The following LRRC31 variants were observed in gnomAD, a reference collection of about 807,000 sequenced individuals.
LRRC31 encodes leucine-rich repeat-containing protein 31.
LRRC31 carries 35 observed loss-of-function variants against 46.7 expected under a neutral mutation model. The observed-to-expected ratio is 0.75, with a 90% CI of 0.57 to 0.99. LRRC31 has a LOEUF of 0.99. Ranked by LOEUF, LRRC31 falls within the 50% of genes least tolerant of loss-of-function variation. LRRC31 has a pLI of 0.00. For synonymous variants in LRRC31, 236 were observed against 235.1 expected (o/e 1.00, Z -0.03); for missense variants, 613 against 626.1 (o/e 0.98, Z 0.22).
intron 1 of LRRC31, among the ~76,000 whole-genome samples, chr3:169,868,294 A>G (rs1261835177): frequency 6.6e-6 from 1 of 152,206 alleles, no homozygotes; most frequent in Non-Finnish European, 1.5e-5. Flanking sequence ...TTGCCTGGAA[A>G]GCTATTTGCA....
At chr3:169,860,795 A>C in intron 2 of LRRC31, 67 bp from the exon 3 acceptor site, 1 of 1,471,468 alleles carries the variant, frequency 6.8e-7, no homozygotes, top group Non-Finnish European at 9.5e-7. Flanking sequence ...AATAAAATGC[A>C]ATGCTTACAT....
At position 169,867,038 on chromosome 3, in the gene LRRC31, G is replaced by GTTTTTTTTTTTTT. The variant is rs1324128884; in HGVS notation, c.175+2594_175+2595insAAAAAAAAAAAAA. Among the ~76,000 whole-genome samples, 44 of 126,308 alleles carry GTTTTTTTTTTTTT rather than the reference G, an allele frequency of 3.5e-4. 11 individuals are homozygous for GTTTTTTTTTTTTT. Among genetic ancestry groups the GTTTTTTTTTTTTT allele is most frequent in the African/African-American group, 1.7e-3 (38 of 22,220 alleles). 82.9% of individuals were successfully genotyped at this position (126,308 alleles called of 152,430 possible). A position where few individuals can be genotyped will look rare whatever the true frequency, so the allele number is the denominator to read the frequency against. ...GTCTCAGAAAGAAAATTGGCCATGG[G>GTTTTTTTTTTTTT]TTTTTTTTGTTTGTTTGTTTGTTTT... is the stretch of plus-strand genomic sequence containing the variant. On this transcript the variant is annotated intron_variant, in intron 1 of 8. Transcript: ENST00000316428.
chr3:169,857,345 T>TATATATATATATATATATATATACACAC (rs1491209579), intron 3 of LRRC31, among the ~76,000 whole-genome samples: 2 of 89,452 alleles, frequency 2.2e-5, no homozygotes, highest in Non-Finnish European at 4.2e-5. Context: ...TATATATATA[T>TATATATATATATATATATATATACACAC]ACACACACAC....
Position 169,860,650 on chromosome 3 carries a change from G to A in LRRC31, c.398C>T (p.Ser133Phe), listed in dbSNP as rs138952450. The A allele has an allele frequency of 5.9e-4, 947 of 1,614,180 alleles. 2 individuals carry two copies. The African/African-American group carries it at 0.011, about 20-fold the overall frequency. ...WNGFVGGTLL[S>F]ITQQMHLVSK... ...GACCAGATGCATTTGCTGAGTGATG[G>A]AAAGGAGGGTTCCACCTACAAAACC... The change falls in exon 3 of 9, where the codon TCC (serine) becomes TTC (phenylalanine). Residue 133 changes from serine to phenylalanine, a missense_variant. Physicochemically the swap from Ser to Phe is radical, Grantham distance 155. Transcript: ENST00000316428.
rs1553924970 is a variant in LRRC31, at chr3:169,857,415, C to CATAT, written c.488-547_488-544dup. Among the ~76,000 whole-genome samples, 11 of 98,690 alleles carry CATAT rather than the reference C, an allele frequency of 1.1e-4. 1 individual carries two copies. The highest frequency in any genetic ancestry group is 4.0e-4 in the African/African-American group (11 of 27,636). 64.7% of individuals were successfully genotyped at this position (98,690 alleles called of 152,430 possible). On this transcript the variant is annotated intron_variant, in intron 3 of 8. Coordinates refer to ENST00000316428, the MANE Select transcript of LRRC31 (RefSeq NM_024727.4). ...ATACATACACACACATATACATATA[C>CATAT]ATATATATATATATGAGGAATATCA...
chr3:169,853,188 G>T, intron 6 of LRRC31: 1 of 983,556 alleles, frequency 1.0e-6, no homozygotes, highest in Non-Finnish European at 1.2e-6. Flanking sequence ...CCCCTGGCAC[G>T]GTGCCCCACA....
Position 169,869,746 on chromosome 3 carries a change from A to C in LRRC31, c.62T>G (p.Val21Gly). Reference protein sequence around the residue: ...EGETKPQTSTVNKFLRGSNAE... With the variant: ...EGETKPQTSTGNKFLRGSNAE... Reference sequence around the variant, plus strand: ...ATTGGAGCCCCTGAGAAATTTGTTGACAGTTGAAGTCTGGGGCTTAGTTTC... The same window carrying C: ...ATTGGAGCCCCTGAGAAATTTGTTGCCAGTTGAAGTCTGGGGCTTAGTTTC... Residue 21 changes from valine (V) to glycine (G), a missense_variant, in exon 1 of 9, where the codon GTC (valine) becomes GGC (glycine). Coordinates refer to ENST00000316428, the MANE Select transcript of LRRC31 (RefSeq NM_024727.4). 6.2e-7 allele frequency: 1 copy of C among 1,613,296 alleles called. No homozygotes were observed. Among genetic ancestry groups the C allele is most frequent in the Non-Finnish European group, 8.5e-7 (1 of 1,179,802 alleles).
rs1237073994 is a variant in LRRC31, at chr3:169,856,351, T to C, written c.808A>G (p.Ser270Gly). ...GTTAACTCACCCAATATTTTGACACTCTTTTGTGATAATCCACATGAATGT... is the reference window on the plus strand; with the variant it reads ...GTTAACTCACCCAATATTTTGACACCCTTTTGTGATAATCCACATGAATGT... The part of the protein sequence containing the change: ...KLHSCGLSQK[S>G]VKILDAAFRY... The change falls in exon 5 of 9, where the codon AGT (serine) becomes GGT (glycine). Residue 270 changes from serine (S) to glycine (G), a missense_variant. Ser to Gly is a moderately conservative substitution (Grantham distance 56, BLOSUM62 0). Transcript: ENST00000316428. 6 of 1,576,266 alleles carry C rather than the reference T, an allele frequency of 3.8e-6. 1 individual carries two copies. In the East Asian group the frequency reaches 1.4e-4, roughly 37 times the overall value.
chr3:169,842,626 C>T (rs1243545313), intron 8 of LRRC31, among the ~76,000 whole-genome samples: 1 of 152,152 alleles, frequency 6.6e-6, no homozygotes, highest in Non-Finnish European at 1.5e-5. Context: ...GCTGGGATTA[C>T]AGGCGTGAGC....
intron 1 of LRRC31, among the ~76,000 whole-genome samples, chr3:169,869,021 C>A (rs1027173365): frequency 1.3e-5 from 2 of 151,648 alleles, no homozygotes; most frequent in Non-Finnish European, 2.9e-5. Flanking sequence ...TACAAACAAC[C>A]CGTTGTGCTC....
chr3:169,868,385 C>G (rs180680192), intron 1 of LRRC31, among the ~76,000 whole-genome samples: 12 of 152,316 alleles, frequency 7.9e-5, no homozygotes, highest in African/African-American at 2.6e-4. Flanking sequence ...GCCTCCAAAT[C>G]GAAGACTTCT....
intron 8 of LRRC31, among the ~76,000 whole-genome samples, chr3:169,844,404 G>T (rs762570367): frequency 6.6e-6 from 1 of 151,812 alleles, no homozygotes; most frequent in Non-Finnish European, 1.5e-5. Context: ...GACAAAATTC[G>T]TTATAAGAAC....
In LRRC31 at chr3:169,848,297, A is replaced by G. The variant is rs769098049; in HGVS notation, c.1160-10T>C. ...TGAACAGAGGCTTCAGCTAAAAGTGATAACAATACGAACAGCAGTAATTTA... is the reference window on the plus strand; with the variant it reads ...TGAACAGAGGCTTCAGCTAAAAGTGGTAACAATACGAACAGCAGTAATTTA... On this transcript the variant is annotated splice_polypyrimidine_tract_variant and intron_variant, in intron 7 of 8. Coordinates refer to ENST00000316428, the MANE Select transcript of LRRC31 (RefSeq NM_024727.4). The G allele has an allele frequency of 1.2e-5, 20 of 1,612,682 alleles. No individual in the cohort carries two copies. The highest frequency in any genetic ancestry group is 5.5e-5 in the South Asian group (5 of 90,950).
At chr3:169,853,102 A>G (rs1320524919) in intron 6 of LRRC31, 2 of 410,178 alleles carry the variant, frequency 4.9e-6, no homozygotes, top group Non-Finnish European at 6.6e-6. Flanking sequence ...GTATTTCACC[A>G]TGTAGTTTGG....
intron 1 of LRRC31, among the ~76,000 whole-genome samples, chr3:169,863,199 GACAT>G (rs1223548617): frequency 6.6e-6 from 1 of 152,010 alleles, no homozygotes; most frequent in Non-Finnish European, 1.5e-5. Flanking sequence ...CAGCATTTAA[GACAT>G]ACATAAAACA....
intron 6 of LRRC31, among the ~76,000 whole-genome samples, chr3:169,852,234 T>TA (rs57252430): frequency 0.023 from 2,987 of 132,396 alleles, 75 homozygotes; most frequent in East Asian, 0.083. Flanking sequence ...CCGTCTCTAC[T>TA]AAAAAAAAAA....
chr3:169,842,074 A>G (rs1384769060), intron 8 of LRRC31, among the ~76,000 whole-genome samples: 1 of 151,938 alleles, frequency 6.6e-6, no homozygotes, highest in African/African-American at 2.4e-5. Context: ...TACATAAATA[A>G]ATAAATTTAT....
intron 3 of LRRC31, among the ~76,000 whole-genome samples, chr3:169,857,155 G>T (rs1255889743): frequency 6.6e-6 from 1 of 151,466 alleles, no homozygotes; most frequent in Non-Finnish European, 1.5e-5. Flanking sequence ...TTGGTAGGGT[G>T]GTTTTAGGAA....
At chr3:169,867,055 G>GTTTTTTT (rs1468629529) in intron 1 of LRRC31, among the ~76,000 whole-genome samples, 3 of 106,670 alleles carry the variant, frequency 2.8e-5, no homozygotes, top group African/African-American at 2.0e-4. Flanking sequence ...TTGTTTGTTT[G>GTTTTTTT]TTTGTTTTTT....
Sources: gnomAD v4.1 joint callset for allele counts (sites outside exome capture counted in the v4.1 genomes callset) on GRCh38, gnomAD v4.1.1 for gene constraint, MANE v1.5 for transcripts, NCBI Gene and HGNC (gene_info 2026-07-23, HGNC 2026-07-21) for gene names.